RAB40B: variants seen among roughly 807,000 people sequenced by gnomAD.
RAB40B encodes RAB40B, member RAS oncogene family, also known as ras-related protein Rab-40B.
RAB40B carries 21 observed loss-of-function variants against 24.0 expected under a neutral mutation model. That is an observed-to-expected ratio of 0.88 (90% CI 0.62 to 1.26). RAB40B has a LOEUF of 1.26. Among genes scored for constraint, RAB40B ranks in the 50% most tolerant of loss-of-function variants. The pLI is 0.00. For missense variants in RAB40B, 348 were observed against 390.5 expected (o/e 0.89, Z 0.92); for synonymous variants, 167 against 169.8 (o/e 0.98, Z 0.13).
chr17:82,656,442 AG>A lies in RAB40B; in HGVS notation c.*1420del, dbSNP rs2046086800. On this transcript the variant is annotated 3_prime_UTR_variant, in exon 6 of 6. Transcript: ENST00000571995. ...GCCCTGCTCTGAGGCAGTCGGGGTC[AG>A]GGGCTACATCTTCATGCGGAATTCC... is the stretch of plus-strand genomic sequence containing the variant. 6.6e-6 allele frequency: 1 copy of A among 152,190 alleles called. No homozygotes were observed. Among genetic ancestry groups the A allele is most frequent in the Non-Finnish European group, 1.5e-5 (1 of 68,066 alleles). The allele number at this position is 152,190 out of a possible 1,614,324, so 9.4% of individuals were successfully genotyped here.
In RAB40B at chr17:82,657,421, A is replaced by G; in HGVS notation, c.*442T>C. 1 of 320,090 alleles carries G rather than the reference A, an allele frequency of 3.1e-6. No individual in the cohort carries two copies. The highest frequency in any genetic ancestry group is 2.6e-5 in the South Asian group (1 of 37,968). 19.8% of individuals were successfully genotyped at this position (320,090 alleles called of 1,614,324 possible). Reference sequence around the variant, plus strand: ...CAGCGTTTTATAAATTGGCGCTTTGACATTGAAAAGGAGGTTTACAAAAAG... The same window carrying G: ...CAGCGTTTTATAAATTGGCGCTTTGGCATTGAAAAGGAGGTTTACAAAAAG... On this transcript the variant is annotated 3_prime_UTR_variant, in exon 6 of 6. Coordinates refer to ENST00000571995, the MANE Select transcript of RAB40B (RefSeq NM_006822.3).
intron 1 of RAB40B, among the ~76,000 whole-genome samples, chr17:82,689,010 G>A (rs1376074856): frequency 6.6e-6 from 1 of 152,236 alleles, no homozygotes; most frequent in African/African-American, 2.4e-5. Context: ...TTTGGATGCT[G>A]TTGTTCTTTT....
intron 4 of RAB40B, 51 bp downstream of exon 4, chr17:82,659,529 C>G: frequency 2.5e-6 from 4 of 1,583,828 alleles, no homozygotes; most frequent in Non-Finnish European, 2.6e-6. Flanking sequence ...CCTGGCCTGA[C>G]GTCCTCCCAA....
At chr17:82,684,174 T>C (rs1010729558) in intron 1 of RAB40B, among the ~76,000 whole-genome samples, 24 of 148,092 alleles carry the variant, frequency 1.6e-4, no homozygotes, top group African/African-American at 5.5e-4. Flanking sequence ...TGAGCCAAGA[T>C]TGCGCTTTTG....
intron 1 of RAB40B, among the ~76,000 whole-genome samples, chr17:82,686,921 G>A (rs190202333): frequency 4.6e-5 from 7 of 152,076 alleles, no homozygotes; most frequent in African/African-American, 7.2e-5. Flanking sequence ...GTGCTGGGGC[G>A]AAGGGTGCTC....
In RAB40B at chr17:82,662,399, A is replaced by G. The variant is rs574294235; in HGVS notation, c.204-1352T>C. 2.1e-5 allele frequency: 21 copies of G among 985,466 alleles called. No homozygotes were observed. In the East Asian group the frequency reaches 1.0e-3, roughly 48 times the overall value. 61.0% of individuals were successfully genotyped at this position (985,466 alleles called of 1,614,324 possible). ...GGCCGAAGGGCCAGCACGTGCTGTC[A>G]GAGTGCCCCATCGTGAAGTGGGAGC... On this transcript the variant is annotated intron_variant, in intron 2 of 5. Coordinates refer to ENST00000571995, the MANE Select transcript of RAB40B (RefSeq NM_006822.3).
At chr17:82,683,986 C>T (rs992895609) in intron 1 of RAB40B, among the ~76,000 whole-genome samples, 24 of 151,848 alleles carry the variant, frequency 1.6e-4, no homozygotes, top group African/African-American at 4.4e-4. Flanking sequence ...TTTGGGAGGC[C>T]GAGGCGGGTG....
intron 1 of RAB40B, among the ~76,000 whole-genome samples, chr17:82,691,408 G>A (rs773629565): frequency 8.5e-5 from 13 of 152,112 alleles, no homozygotes; most frequent in Admixed American, 8.5e-4. Flanking sequence ...GCAAAAGGCC[G>A]GGCGCGGTGG....
chr17:82,662,367 G>A lies in RAB40B; in HGVS notation c.204-1320C>T, dbSNP rs951679052. 1.0e-5 allele frequency: 10 copies of A among 985,366 alleles called. No individual in the cohort carries two copies. In the South Asian group the frequency reaches 1.4e-4, roughly 14 times the overall value. The allele number at this position is 985,366 out of a possible 1,614,324, so 61.0% of individuals were successfully genotyped here. ...CGGGCCAGGTCAATCTGCCAGCTTCGCAGGGAGGCCGAAGGGCCAGCACGT... is the reference window on the plus strand; with the variant it reads ...CGGGCCAGGTCAATCTGCCAGCTTCACAGGGAGGCCGAAGGGCCAGCACGT... On this transcript the variant is annotated intron_variant, in intron 2 of 5. Coordinates refer to ENST00000571995, the MANE Select transcript of RAB40B (RefSeq NM_006822.3).
rs766608808 is a variant in RAB40B, at chr17:82,663,182, C to T, written c.203+1314G>A. On this transcript the variant is annotated intron_variant, in intron 2 of 5. Transcript: ENST00000571995. This position sits in a 1 kb window ranked among gnomAD's most constrained non-coding sequence, Gnocchi z 6.2. Reference sequence around the variant, plus strand: ...CCTGAAGCTGTGCAGCAGGAAGGGTCGGGGCGCTTGGGGACACTGTGGAGA... The same window carrying T: ...CCTGAAGCTGTGCAGCAGGAAGGGTTGGGGCGCTTGGGGACACTGTGGAGA... 3.3e-5 allele frequency among the ~76,000 whole-genome samples: 5 copies of T among 151,860 alleles called. No individual in the cohort carries two copies. Among genetic ancestry groups the T allele is most frequent in the Admixed American group, 6.5e-5 (1 of 15,270 alleles).
intron 1 of RAB40B, among the ~76,000 whole-genome samples, chr17:82,689,909 G>C (rs1320437431): frequency 6.7e-6 from 1 of 150,350 alleles, no homozygotes; most frequent in Non-Finnish European, 1.5e-5. Context: ...GGAGGTTGCA[G>C]TGAACCGAGA....
intron 1 of RAB40B, among the ~76,000 whole-genome samples, chr17:82,693,512 C>T (rs951584957): frequency 3.3e-5 from 5 of 152,192 alleles, no homozygotes; most frequent in African/African-American, 1.2e-4. Context: ...TACAGGGAAA[C>T]CTGTGCAGAC....
At chr17:82,661,354 GAAGATA>G in intron 2 of RAB40B, 1 of 1,018,916 alleles carries the variant, frequency 9.8e-7, no homozygotes, top group Non-Finnish European at 1.2e-6. Flanking sequence ...TGTTGAATCT[GAAGATA>G]AATCTATGCA....
At chr17:82,682,144 C>T (rs1036206221) in intron 1 of RAB40B, among the ~76,000 whole-genome samples, 4 of 151,754 alleles carry the variant, frequency 2.6e-5, no homozygotes, top group South Asian at 2.1e-4. Context: ...CACACAGGCA[C>T]GCATGCACAC....
At chr17:82,658,780 G>T in intron 4 of RAB40B, 67 bp from the exon 5 acceptor site, 1 of 1,421,760 alleles carries the variant, frequency 7.0e-7, no homozygotes. Context: ...GTCGTAATGT[G>T]GGTGCTCTGG....
At chr17:82,665,258 CTTT>C (rs11326382) in intron 1 of RAB40B, among the ~76,000 whole-genome samples, 1 of 143,248 alleles carries the variant, frequency 7.0e-6, no homozygotes, top group Admixed American at 7.0e-5. Flanking sequence ...CTTTCTTCTT[CTTT>C]TTTTTTTTTG....
At position 82,678,336 on chromosome 17, in the gene RAB40B, T is replaced by A. The variant is rs569787484; in HGVS notation, c.143-13780A>T. On this transcript the variant is annotated intron_variant, in intron 1 of 5. Transcript: ENST00000571995. ...TGTCCATCAAAATATAATAAAGATA[T>A]ACAAAGCTTCTAGAACAAAGCCCGT... Among the ~76,000 whole-genome samples the A allele has an allele frequency of 3.8e-4, 58 of 152,292 alleles. 1 individual carries two copies. The Middle Eastern group carries it at 0.01, about 27-fold the overall frequency.
chr17:82,659,406 C>T, intron 4 of RAB40B, 174 bp downstream of exon 4: 1 of 613,682 alleles, frequency 1.6e-6, no homozygotes. Flanking sequence ...TCACCAAAGC[C>T]CTATCCAGTG....
rs1329939638 is a variant in RAB40B at position 82,657,931 on chromosome 17, C to G, written c.769G>C (p.Val257Leu). ...CTCTGGGGGGGGCGGACGAGCTTCACTTTGCGGAGGCTGCTCCTTTTGTGG... is the reference window on the plus strand; with the variant it reads ...CTCTGGGGGGGGCGGACGAGCTTCAGTTTGCGGAGGCTGCTCCTTTTGTGG... ...STHKRSSLRK[V>L]KLVRPPQSPP... Residue 257 changes from valine (V) to leucine (L), a missense_variant, in exon 6 of 6, where the codon GTG (valine) becomes CTG (leucine). By Grantham distance (32) the Val-to-Leu change is conservative. Coordinates refer to ENST00000571995, the MANE Select transcript of RAB40B (RefSeq NM_006822.3). The G allele has an allele frequency of 2.5e-5, 41 of 1,613,908 alleles. No individual in the cohort carries two copies. The highest frequency in any genetic ancestry group is 3.5e-5 in the Non-Finnish European group (41 of 1,180,022).
Sources: allele counts gnomAD v4.1 joint callset (sites outside exome capture counted in the v4.1 genomes callset), GRCh38; gene constraint gnomAD v4.1.1; non-coding constraint Gnocchi (gnomAD v3.1); transcripts MANE v1.5; gene names NCBI Gene and HGNC (gene_info 2026-07-23, HGNC 2026-07-21).